SDK1: variants seen among roughly 807,000 people sequenced by gnomAD.
SDK1 encodes sidekick cell adhesion molecule 1.
Under a neutral mutation model 245.5 loss-of-function variants are expected in SDK1, and 157 were observed. The ratio of observed to expected loss-of-function variants is 0.64; its 90% CI spans 0.56 to 0.73. The LOEUF is 0.73. Ranked by LOEUF, SDK1 falls within the 30% of genes least tolerant of loss-of-function variation. The pLI is 0.00. For synonymous variants in SDK1, 1,647 were observed against 1,278.5 expected, an observed-to-expected ratio of 1.29 and a Z score of -6.15; for missense variants, 3,583 against 3,002.3, an observed-to-expected ratio of 1.19 and a Z score of -4.52.
At position 3,983,983 on chromosome 7, in the gene SDK1, C is replaced by T. The variant is rs139464814; in HGVS notation, c.1995-3203C>T. Among the ~76,000 whole-genome samples, 6 of 152,316 alleles carry T rather than the reference C, an allele frequency of 3.9e-5. No individual in the cohort carries two copies. The East Asian group carries it at 9.6e-4, about 24-fold the overall frequency. ...AGCTCTTGCCGCCTACACTAAACGC[C>T]TCAAGACTAGTTTGCTTTCTAAGTT... is the stretch of plus-strand genomic sequence containing the variant. On this transcript the variant is annotated intron_variant, in intron 13 of 44. Coordinates refer to ENST00000404826, the MANE Select transcript of SDK1 (RefSeq NM_152744.4).
chr7:3,414,126 T>C (rs989737002), intron 1 of SDK1, among the ~76,000 whole-genome samples: 2 of 152,030 alleles, frequency 1.3e-5, no homozygotes, highest in Non-Finnish European at 2.9e-5. Flanking sequence ...GGTGGAACTG[T>C]TAGGATTTGT....
intron 1 of SDK1, among the ~76,000 whole-genome samples, chr7:3,531,590 T>C: frequency 6.6e-6 from 1 of 152,200 alleles, no homozygotes; most frequent in South Asian, 2.1e-4. Flanking sequence ...ATGTCTCAGA[T>C]AGTCAAAAAT....
rs55759765 is a variant in SDK1 at position 4,126,756 on chromosome 7, G to C, written c.3824-625G>C. ...GGTCGAGAATGGCATGGCTGGCCTC[G>C]GCTGCCCATCTCCTTTTAGAAAAAC... On this transcript the variant is annotated intron_variant, in intron 25 of 44. Coordinates refer to ENST00000404826, the MANE Select transcript of SDK1 (RefSeq NM_152744.4). 3.0e-4 allele frequency among the ~76,000 whole-genome samples: 45 copies of C among 152,280 alleles called. 2 individuals are homozygous for C. In the East Asian group the frequency reaches 8.7e-3, roughly 29 times the overall value.
Position 4,076,998 on chromosome 7 carries a change from G to C in SDK1, c.3011G>C (p.Gly1004Ala). Reference protein sequence around the residue: ...EPLEKNGIITGYQISWEVYGR... With the variant: ...EPLEKNGIITAYQISWEVYGR... ...CTGGTCTGGTCCTGTTGCTTTCTAG[G>C]CTATCAGATCTCTTGGGAAGTGTAC... is the stretch of plus-strand genomic sequence containing the variant. Residue 1004 changes from glycine (G) to alanine (A), a missense_variant and splice_region_variant, in exon 21 of 45, where the codon GGC (glycine) becomes GCC (alanine). Transcript: ENST00000404826. The C allele has an allele frequency of 6.2e-7, 1 of 1,613,690 alleles. No homozygotes were observed. Among genetic ancestry groups the C allele is most frequent in the East Asian group, 2.2e-5 (1 of 44,870 alleles).
chr7:3,397,517 C>G (rs1778751485), intron 1 of SDK1, among the ~76,000 whole-genome samples: 1 of 151,108 alleles, frequency 6.6e-6, no homozygotes, highest in African/African-American at 2.4e-5. Context: ...ACATCAGTGC[C>G]TTCTGGTCTT....
At chr7:4,236,124 C>G (rs1043545902) in intron 41 of SDK1, among the ~76,000 whole-genome samples, 1 of 152,240 alleles carries the variant, frequency 6.6e-6, no homozygotes, top group African/African-American at 2.4e-5. Context: ...CACACATCCC[C>G]TATTCGTGAG....
intron 22 of SDK1, among the ~76,000 whole-genome samples, chr7:4,089,153 G>C (rs929196399): frequency 6.6e-6 from 1 of 151,928 alleles, no homozygotes; most frequent in Admixed American, 6.6e-5. Context: ...CCCTCCTTCA[G>C]GTGGAGGTGC....
intron 1 of SDK1, among the ~76,000 whole-genome samples, chr7:3,603,030 C>T (rs572896248): frequency 1.5e-3 from 224 of 152,136 alleles, no homozygotes; most frequent in African/African-American, 5.1e-3. Context: ...TGTTCTGTTC[C>T]ATTGATCTAT....
chr7:3,914,525 G>A (rs184185459), intron 5 of SDK1, among the ~76,000 whole-genome samples: 18 of 152,308 alleles, frequency 1.2e-4, no homozygotes, highest in African/African-American at 4.1e-4. Flanking sequence ...TGCAGTTGCT[G>A]CACAAACATG....
At chr7:4,139,751 GTGTGTGTA>G (rs1779443056) in intron 28 of SDK1, among the ~76,000 whole-genome samples, 1 of 151,256 alleles carries the variant, frequency 6.6e-6, no homozygotes, top group African/African-American at 2.4e-5. Flanking sequence ...GTGTGTGTGT[GTGTGTGTA>G]TAATCTTGAA....
chr7:3,501,911 C>T (rs1194231658), intron 1 of SDK1, among the ~76,000 whole-genome samples: 1 of 152,058 alleles, frequency 6.6e-6, no homozygotes, highest in African/African-American at 2.4e-5. Flanking sequence ...CTATTTGATT[C>T]TTATTCTTGG....
chr7:3,313,861 T>C (rs1779605191), intron 1 of SDK1, among the ~76,000 whole-genome samples: 2 of 152,228 alleles, frequency 1.3e-5, no homozygotes, highest in African/African-American at 4.8e-5. Flanking sequence ...TAGCTCTATT[T>C]AGCCATTTCA....
chr7:3,343,931 G>C (rs1193253024), intron 1 of SDK1, among the ~76,000 whole-genome samples: 1 of 150,600 alleles, frequency 6.6e-6, no homozygotes, highest in African/African-American at 2.4e-5. Context: ...ACATATTACG[G>C]ACATATTATT....
chr7:3,474,558 C>A (rs751761763), intron 1 of SDK1, among the ~76,000 whole-genome samples: 1 of 152,124 alleles, frequency 6.6e-6, no homozygotes, highest in Non-Finnish European at 1.5e-5. Flanking sequence ...GTTTACCTCT[C>A]CCTCACACTT....
In SDK1 at chr7:3,639,109, A is replaced by G. The variant is rs776019475; in HGVS notation, c.564A>G (p.Ala188=). 23 of 1,579,554 alleles carry G rather than the reference A, an allele frequency of 1.5e-5. No individual in the cohort carries two copies. The highest frequency in any genetic ancestry group is 2.2e-5 in the East Asian group (1 of 44,530). Residue 188 remains alanine, a splice_region_variant and synonymous_variant, in exon 3 of 45, where the codon GCA becomes GCG. Coordinates refer to ENST00000404826, the MANE Select transcript of SDK1 (RefSeq NM_152744.4). ...AAAGAAAATCAGAAGTTCAAGTCGC[A>G]TGTATGTGTACAGTAAGGAGATGTC... ...LLQRKSEVQV[A]YMGSFMDTDQ...
chr7:3,365,834 TGAG>T, intron 1 of SDK1, among the ~76,000 whole-genome samples: 1 of 138,088 alleles, frequency 7.2e-6, no homozygotes, highest in South Asian at 2.5e-4. Flanking sequence ...GTCAGGAGTT[TGAG>T]ACCAGCCTGG....
At chr7:3,500,593 G>A (rs1455787630) in intron 1 of SDK1, among the ~76,000 whole-genome samples, 2 of 151,974 alleles carry the variant, frequency 1.3e-5, no homozygotes, top group Non-Finnish European at 2.9e-5. Context: ...TTTCTCCAGT[G>A]TTTTGAAATT....
At position 4,205,989 on chromosome 7, in the gene SDK1, T is replaced by C. The variant is rs1465391210; in HGVS notation, c.5209T>C (p.Tyr1737His). Residue 1737 changes from tyrosine (Y) to histidine (H), a missense_variant, in exon 36 of 45, where the codon TAC (tyrosine) becomes CAC (histidine). By Grantham distance (83) the Tyr-to-His change is moderately conservative. Transcript: ENST00000404826. ...PESQNGNIQG[Y>H]KIYYWEADSQ... is the part of the protein sequence containing the mutation. ...GAGCCAGAATGGGAACATCCAAGGC[T>C]ACAAGGCAAGGCCCTCCCGTGCGGT... 3.2e-6 allele frequency: 5 copies of C among 1,543,226 alleles called. No homozygotes were observed. Among genetic ancestry groups the C allele is most frequent in the African/African-American group, 1.4e-5 (1 of 72,976 alleles).
intron 1 of SDK1, among the ~76,000 whole-genome samples, chr7:3,581,304 C>T (rs1203348550): frequency 6.6e-6 from 1 of 152,034 alleles, no homozygotes; most frequent in Non-Finnish European, 1.5e-5. Context: ...ATGAACTAAA[C>T]AGATGCTAAT....
Sources: gnomAD v4.1 joint callset for allele counts (sites outside exome capture counted in the v4.1 genomes callset) on GRCh38, gnomAD v4.1.1 for gene constraint, MANE v1.5 for transcripts, NCBI Gene and HGNC (gene_info 2026-07-23, HGNC 2026-07-21) for gene names.